GREP1: variants seen among roughly 807,000 people sequenced by gnomAD.
GREP1 encodes the protein glycine rich extracellular protein 1.
Position 2,992,890 on chromosome 16 carries a change from C to A in GREP1, c.353-41C>A. 1 of 399,060 alleles carries A rather than the reference C, an allele frequency of 2.5e-6. No homozygotes were observed. The highest frequency in any genetic ancestry group is 4.4e-6 in the Non-Finnish European group (1 of 226,086). 24.7% of individuals were successfully genotyped at this position (399,060 alleles called of 1,614,324 possible). Reference sequence around the variant, plus strand: ...CTGGGGCTGAGATTCTGGGCACAGGCCCAGAGGAAAGGATCCCTCACCCTC... The same window carrying A: ...CTGGGGCTGAGATTCTGGGCACAGGACCAGAGGAAAGGATCCCTCACCCTC... On this transcript the variant is annotated intron_variant, in intron 9 of 34. Coordinates refer to ENST00000573315, the Ensembl canonical transcript of GREP1. This position sits in a 1 kb window ranked among gnomAD's most constrained non-coding sequence, Gnocchi z 4.9.
intron 20 of GREP1, 83 bp downstream of exon 19, chr16:2,996,788 G>A: frequency 2.5e-6 from 1 of 398,816 alleles, no homozygotes; most frequent in South Asian, 1.3e-4. Context: ...TCCCAGGGGA[G>A]GGGTGACCCC....
At chr16:2,996,021 C>G (rs2072422810) in intron 18 of GREP1, 2 of 391,330 alleles carry the variant, frequency 5.1e-6, no homozygotes, top group East Asian at 3.6e-5. Context: ...CAACCTCCAC[C>G]TCCTGGGTTC....
At chr16:2,993,147 G>A (rs1488430065) in intron 10 of GREP1, 184 bp downstream of exon 11, 1 of 388,642 alleles carries the variant, frequency 2.6e-6, no homozygotes, top group African/African-American at 2.1e-5. Context: ...GGAGTTCTGG[G>A]AGCATGGAGG....
rs2072396582 is a variant in GREP1 at position 2,991,047 on chromosome 16, G to A, written c.269-1G>A. The A allele has an allele frequency of 5.0e-6, 2 of 399,260 alleles. No homozygotes were observed. Among genetic ancestry groups the A allele is most frequent in the Admixed American group, 4.4e-5 (1 of 22,740 alleles). The allele number at this position is 399,260 out of a possible 1,614,324, so 24.7% of individuals were successfully genotyped here. ...ATGTCCCTCTGGCTCTGTCTCCCCA[G>A]GATATGGAAACGGGCTGGGAGCAGC... On this transcript the variant is annotated splice_acceptor_variant, in intron 7 of 34. Coordinates refer to ENST00000573315, the Ensembl canonical transcript of GREP1. LOFTEE classifies it high-confidence loss of function. The surrounding 1 kb of genome is among the most constrained non-coding windows in gnomAD (Gnocchi z 4.9).
intron 26 of GREP1, chr16:2,999,219 C>T (rs1052164071): frequency 2.8e-5 from 11 of 398,676 alleles, no homozygotes; most frequent in African/African-American, 1.2e-4. Flanking sequence ...CTCAAGCCCT[C>T]GGCTGGGCTC....
intron 18 of GREP1, among the ~76,000 whole-genome samples, chr16:2,996,126 T>G (rs758080011): frequency 1.3e-5 from 2 of 152,096 alleles, no homozygotes; most frequent in Non-Finnish European, 2.9e-5. Flanking sequence ...AGAGACAGGA[T>G]TTCACCATGT....
At chr16:3,001,930 T>A in exon 35 of GREP1, 1 of 319,946 alleles carries the variant, frequency 3.1e-6, no homozygotes, top group Non-Finnish European at 5.7e-6. Context: ...ACATCCAAGT[T>A]AGGGGCCTTG....
At chr16:2,995,531 A>G (rs1237348101) in intron 15 of GREP1, 88 bp from the exon 16 acceptor site, 3 of 398,454 alleles carry the variant, frequency 7.5e-6, no homozygotes, top group South Asian at 2.6e-4. Context: ...TGAATAACTG[A>G]AGGGCTGCTG....
chr16:2,998,528 G>A lies in GREP1; in HGVS notation c.1012+5G>A. 1 of 399,192 alleles carries A rather than the reference G, an allele frequency of 2.5e-6. No individual in the cohort carries two copies. The highest frequency in any genetic ancestry group is 4.4e-5 in the Admixed American group (1 of 22,744). The allele number at this position is 399,192 out of a possible 1,614,324, so 24.7% of individuals were successfully genotyped here. On this transcript the variant is annotated splice_donor_5th_base_variant and intron_variant, in intron 25 of 34. Coordinates refer to ENST00000573315, the Ensembl canonical transcript of GREP1. ...ATGAAAATGGGCCCTGGCCAGGTGAGGCCACTGGGACCAGGGGTGGGGGCC... is the reference window on the plus strand; with the variant it reads ...ATGAAAATGGGCCCTGGCCAGGTGAAGCCACTGGGACCAGGGGTGGGGGCC...
Position 2,992,928 on chromosome 16 carries a change from C to A in GREP1, c.353-3C>A, listed in dbSNP as rs2072406280. On this transcript the variant is annotated splice_region_variant and splice_polypyrimidine_tract_variant and intron_variant, in intron 9 of 34. Coordinates refer to ENST00000573315, the Ensembl canonical transcript of GREP1. This position sits in a 1 kb window ranked among gnomAD's most constrained non-coding sequence, Gnocchi z 4.9. ...ATCCCTCACCCTCTCATCTTCCCCCCAGGCTTTGGAGGGGGTGGAAAACCC... is the reference window on the plus strand; with the variant it reads ...ATCCCTCACCCTCTCATCTTCCCCCAAGGCTTTGGAGGGGGTGGAAAACCC... 1 of 399,096 alleles carries A rather than the reference C, an allele frequency of 2.5e-6. No homozygotes were observed. The allele number at this position is 399,096 out of a possible 1,614,324, so 24.7% of individuals were successfully genotyped here.
chr16:2,994,666 C>A (rs910703266), intron 10 of GREP1, 32 bp from the exon 12 acceptor site: 1 of 398,450 alleles, frequency 2.5e-6, no homozygotes, highest in Non-Finnish European at 4.4e-6. Context: ...TCCAGGGCTC[C>A]GGAGGGCCTT....
At chr16:2,997,239 C>G in intron 21 of GREP1, 154 bp downstream of exon 20, 1 of 398,832 alleles carries the variant, frequency 2.5e-6, no homozygotes, top group Non-Finnish European at 4.4e-6. Context: ...CCCTCCCAGG[C>G]CTCCAGAGCA....
At chr16:2,990,693 C>A in intron 7 of GREP1, 106 bp downstream of exon 6, 1 of 398,612 alleles carries the variant, frequency 2.5e-6, no homozygotes, top group South Asian at 1.3e-4. Context: ...TTTCCAGGGT[C>A]TTCTCCAGGC....
exon 35 of GREP1, chr16:3,001,735 C>G (rs1402900133): frequency 2.5e-6 from 1 of 398,246 alleles, no homozygotes; most frequent in African/African-American, 2.1e-5. Context: ...GCTTGCTGAC[C>G]AGGGTGGGAG....
intron 7 of GREP1, 119 bp downstream of exon 6, chr16:2,990,706 C>T (rs1050693993): frequency 1.0e-4 from 41 of 398,390 alleles, no homozygotes; most frequent in Non-Finnish European, 1.8e-4. Flanking sequence ...CTCCAGGCTC[C>T]CAGGCCTCAG....
intron 34 of GREP1, 66 bp downstream of exon 28, chr16:3,001,400 T>C (rs2072461707): frequency 2.5e-6 from 1 of 399,022 alleles, no homozygotes; most frequent in Non-Finnish European, 4.4e-6. Flanking sequence ...CCTCCAGCCA[T>C]ACTGGGGGAC....
At chr16:3,001,135 T>TC (rs1596463818) in intron 33 of GREP1, 146 bp from the exon 28 acceptor site, 1 of 397,602 alleles carries the variant, frequency 2.5e-6, no homozygotes, top group East Asian at 3.6e-5. Flanking sequence ...TCTGTCCCTC[T>TC]CCCCCCGGTC....
intron 34 of GREP1, 54 bp downstream of exon 28, chr16:3,001,388 C>T (rs1170778481): frequency 1.8e-5 from 7 of 399,010 alleles, no homozygotes; most frequent in Non-Finnish European, 3.1e-5. Flanking sequence ...CCCGTGGTCA[C>T]CCCTCCAGCC....
At position 2,998,982 on chromosome 16, in the gene GREP1, C is replaced by T; in HGVS notation, c.1144+3C>T. On this transcript the variant is annotated splice_donor_region_variant and intron_variant, in intron 26 of 34. Coordinates refer to ENST00000573315, the Ensembl canonical transcript of GREP1. ...AGTGCAGAATGGCAAGTTACCAGGT[C>T]AGTGTGGAGTGGGGGTGCCTAGGGG... is the stretch of plus-strand genomic sequence containing the variant. The T allele has an allele frequency of 2.5e-6, 1 of 399,128 alleles. No individual in the cohort carries two copies. Among genetic ancestry groups the T allele is most frequent in the Non-Finnish European group, 4.4e-6 (1 of 226,118 alleles). 24.7% of individuals were successfully genotyped at this position (399,128 alleles called of 1,614,324 possible).
Sources: gnomAD v4.1 joint callset for allele counts (sites outside exome capture counted in the v4.1 genomes callset) on GRCh38, gnomAD v4.1.1 for gene constraint, Gnocchi (gnomAD v3.1) non-coding constraint, MANE v1.5 for transcripts, NCBI Gene and HGNC (gene_info 2026-07-23, HGNC 2026-07-21) for gene names.